TCF4: variants seen among roughly 807,000 people sequenced by gnomAD.
TCF4 encodes the protein transcription factor 4.
A neutral mutation model predicts 82.1 loss-of-function variants in TCF4; 3 were observed. The ratio of observed to expected loss-of-function variants is 0.04; its 90% CI spans 0.02 to 0.09. TCF4 has a LOEUF of 0.09. Ranked by LOEUF, TCF4 falls within the 10% of genes least tolerant of loss-of-function variation. The probability of loss-of-function intolerance (pLI) is 1.00; values close to 1 mark genes in which losing one functional copy is unlikely to be tolerated. For missense variants in TCF4, 518 were observed against 852.7 expected (o/e 0.61, Z 4.89); for synonymous variants, 276 against 309.6 (o/e 0.89, Z 1.14).
intron 8 of TCF4, among the ~76,000 whole-genome samples, chr18:55,319,853 TA>T (rs1447012104): frequency 1.3e-5 from 2 of 152,160 alleles, no homozygotes; most frequent in African/African-American, 4.8e-5. Context: ...GTACAAAACT[TA>T]AATTAAAATT....
intron 3 of TCF4, among the ~76,000 whole-genome samples, chr18:55,543,586 C>T (rs2097181959): frequency 6.6e-6 from 1 of 151,992 alleles, no homozygotes; most frequent in Non-Finnish European, 1.5e-5. Context: ...GTGATTTATT[C>T]TCCTTTTAAC....
At chr18:55,241,624 C>T (rs2051258577) in intron 15 of TCF4, among the ~76,000 whole-genome samples, 1 of 152,212 alleles carries the variant, frequency 6.6e-6, no homozygotes, top group African/African-American at 2.4e-5. Flanking sequence ...TTAGCCAGTC[C>T]AGGTGGCCCA....
At chr18:55,617,584 A>G (rs1178943804) in intron 2 of TCF4, among the ~76,000 whole-genome samples, 1 of 151,956 alleles carries the variant, frequency 6.6e-6, no homozygotes, top group Non-Finnish European at 1.5e-5. Context: ...CTTTTCATTT[A>G]TTTGTGTCAT....
chr18:55,402,504 AAAG>A (rs1194472854), intron 6 of TCF4, among the ~76,000 whole-genome samples: 1 of 152,188 alleles, frequency 6.6e-6, no homozygotes, highest in Admixed American at 6.6e-5. Context: ...TGAAAAAAAA[AAAG>A]TACATTTTGT....
At chr18:55,477,474 T>C (rs2096316625) in intron 3 of TCF4, among the ~76,000 whole-genome samples, 1 of 152,232 alleles carries the variant, frequency 6.6e-6, no homozygotes, top group Admixed American at 6.5e-5. Context: ...TGACTGAGTT[T>C]TCACAGCTAG....
At chr18:55,486,070 T>C (rs2096510200) in intron 3 of TCF4, among the ~76,000 whole-genome samples, 1 of 152,210 alleles carries the variant, frequency 6.6e-6, no homozygotes, top group Admixed American at 6.5e-5. Flanking sequence ...TCCTACTACT[T>C]AGAAATATGG....
At chr18:55,371,338 G>A (rs531476225) in intron 6 of TCF4, among the ~76,000 whole-genome samples, 4 of 152,144 alleles carry the variant, frequency 2.6e-5, no homozygotes, top group Admixed American at 1.3e-4. Flanking sequence ...CTTGCCTGTC[G>A]GGAGTCAGAG....
chr18:55,396,780 AG>A (rs2093520057), intron 6 of TCF4, among the ~76,000 whole-genome samples: 1 of 152,236 alleles, frequency 6.6e-6, no homozygotes, highest in South Asian at 2.1e-4. Context: ...AGAGATTTCA[AG>A]AATACTTTAA....
chr18:55,271,026 T>C (rs1010853758), intron 10 of TCF4, among the ~76,000 whole-genome samples: 1 of 152,132 alleles, frequency 6.6e-6, no homozygotes, highest in African/African-American at 2.4e-5. Flanking sequence ...TATTTCAAAA[T>C]AAGAGATTGA....
intron 3 of TCF4, among the ~76,000 whole-genome samples, chr18:55,508,537 G>C (rs2096789485): frequency 6.6e-6 from 1 of 152,056 alleles, no homozygotes; most frequent in African/African-American, 2.4e-5. Context: ...AATGTTAGAT[G>C]CATTCACTCA....
chr18:55,242,610 ATTTT>A (rs35918728), intron 15 of TCF4, among the ~76,000 whole-genome samples: 11 of 142,608 alleles, frequency 7.7e-5, no homozygotes, highest in African/African-American at 2.3e-4. Flanking sequence ...GCAGGCACTG[ATTTT>A]TTTTTTTTTT....
At chr18:55,340,944 C>CCACT (rs776431239) in intron 8 of TCF4, among the ~76,000 whole-genome samples, 13 of 152,274 alleles carry the variant, frequency 8.5e-5, no homozygotes, top group Admixed American at 5.2e-4. Context: ...CATACTCTAA[C>CCACT]CACTATATTA....
chr18:55,627,110 G>A (rs1024589151), intron 2 of TCF4, among the ~76,000 whole-genome samples: 8 of 152,192 alleles, frequency 5.3e-5, no homozygotes, highest in African/African-American at 1.7e-4. Flanking sequence ...CTCAAATTGA[G>A]TCAGAGATTT....
At chr18:55,300,657 A>T (rs2067959671) in intron 8 of TCF4, among the ~76,000 whole-genome samples, 1 of 152,172 alleles carries the variant, frequency 6.6e-6, no homozygotes, top group Non-Finnish European at 1.5e-5. Flanking sequence ...GTTGCCATCA[A>T]ATGGTAATTG....
chr18:55,411,643 G>A (rs952104023), intron 5 of TCF4, among the ~76,000 whole-genome samples: 5 of 152,122 alleles, frequency 3.3e-5, no homozygotes, highest in African/African-American at 1.2e-4. Context: ...TGCTGATCAG[G>A]AGAATTATCA....
chr18:55,294,573 T>C (rs904873732), intron 8 of TCF4, among the ~76,000 whole-genome samples: 5 of 152,208 alleles, frequency 3.3e-5, no homozygotes, highest in Non-Finnish European at 7.3e-5. Flanking sequence ...TCCATAGGTG[T>C]TGTGCGTGGG....
intron 5 of TCF4, among the ~76,000 whole-genome samples, chr18:55,442,728 C>G (rs1263287890): frequency 6.6e-6 from 1 of 152,154 alleles, no homozygotes; most frequent in Non-Finnish European, 1.5e-5. Flanking sequence ...CATAGCTTCC[C>G]TCTTCCGTCA....
intron 3 of TCF4, among the ~76,000 whole-genome samples, chr18:55,475,162 C>G (rs1283217023): frequency 6.6e-6 from 1 of 152,170 alleles, no homozygotes; most frequent in Non-Finnish European, 1.5e-5. Context: ...AGACAAAGTC[C>G]AGGATCATGC....
At chr18:55,297,221 AGG>A (rs1175591809) in intron 8 of TCF4, among the ~76,000 whole-genome samples, 4 of 146,146 alleles carry the variant, frequency 2.7e-5, no homozygotes, top group African/African-American at 1.0e-4. Flanking sequence ...AAAAAAAAAA[AGG>A]AAAGAAAGAG....
Sources: gnomAD v4.1 joint callset for allele counts (sites outside exome capture counted in the v4.1 genomes callset) on GRCh38, gnomAD v4.1.1 for gene constraint, MANE v1.5 for transcripts, NCBI Gene and HGNC (gene_info 2026-07-23, HGNC 2026-07-21) for gene names.